MAGED1: variants seen among roughly 807,000 people sequenced by gnomAD.
The protein encoded by MAGED1 is melanoma-associated antigen D1.
Under a neutral mutation model 54.1 loss-of-function variants are expected in MAGED1, and 3 were observed. The observed-to-expected ratio is 0.06, with a 90% CI of 0.03 to 0.14. The LOEUF is 0.14. MAGED1 is among the 10% of genes least tolerant of loss of function. The probability of loss-of-function intolerance (pLI) is 1.00; values close to 1 mark genes in which losing one functional copy is unlikely to be tolerated. For missense variants in MAGED1, 485 were observed against 623.4 expected (o/e 0.78, Z 2.36); for synonymous variants, 217 against 227.3 (o/e 0.95, Z 0.41).
intron 1 of MAGED1, among the ~76,000 whole-genome samples, chrX:51,843,416 A>G (rs1557358929): frequency 9.0e-6 from 1 of 111,426 alleles, no homozygotes; most frequent in African/African-American, 3.3e-5. Flanking sequence ...TAGAGTGAAG[A>G]TGTAAGACTG....
At chrX:51,871,662 C>T (rs1927680134) in intron 1 of MAGED1, among the ~76,000 whole-genome samples, 1 of 111,686 alleles carries the variant, frequency 9.0e-6, no homozygotes, top group South Asian at 3.8e-4. Context: ...TGTCTTAATC[C>T]AGTCTATCAT....
At chrX:51,888,293 T>G (rs782654994) in intron 1 of MAGED1, among the ~76,000 whole-genome samples, 1 of 111,720 alleles carries the variant, frequency 9.0e-6, no homozygotes, top group Admixed American at 9.5e-5. Context: ...CCCACAAAAT[T>G]TTTTTAATTA....
At chrX:51,875,391 G>T (rs1927832419) in intron 1 of MAGED1, among the ~76,000 whole-genome samples, 1 of 111,329 alleles carries the variant, frequency 9.0e-6, no homozygotes, top group Non-Finnish European at 1.9e-5. Context: ...CCTGGATTCT[G>T]ACTACATTCT....
intron 1 of MAGED1, among the ~76,000 whole-genome samples, chrX:51,837,266 TA>T (rs1926287542): frequency 8.9e-6 from 1 of 112,290 alleles, no homozygotes. Flanking sequence ...GCTGAGAGTT[TA>T]AAAAGTGTTA....
At chrX:51,836,198 GAT>G (rs1926239912) in intron 1 of MAGED1, among the ~76,000 whole-genome samples, 1 of 90,166 alleles carries the variant, frequency 1.1e-5, no homozygotes, top group Non-Finnish European at 2.4e-5. Flanking sequence ...TCAATTTATT[GAT>G]TTTTTTTTTT....
upstream of MAGED1, among the ~76,000 whole-genome samples, chrX:51,888,971 C>T (rs910769950): frequency 1.1e-4 from 12 of 111,095 alleles, no homozygotes; most frequent in Admixed American, 5.7e-4. Context: ...GGGATGGGGG[C>T]GGTGGAGGAG....
intron 1 of MAGED1, among the ~76,000 whole-genome samples, chrX:51,829,539 A>G (rs1429212258): frequency 1.3e-4 from 14 of 111,160 alleles, no homozygotes; most frequent in Admixed American, 1.3e-3. Flanking sequence ...TTTTAAAAAA[A>G]AAAATTAGGG....
At chrX:51,834,307 C>T (rs1264242042) in intron 1 of MAGED1, among the ~76,000 whole-genome samples, 1 of 111,713 alleles carries the variant, frequency 9.0e-6, no homozygotes, top group Non-Finnish European at 1.9e-5. Context: ...TGAGAATCCT[C>T]ATTCCAGCCC....
chrX:51,847,166 C>T (rs138223518), intron 1 of MAGED1, among the ~76,000 whole-genome samples: 1,299 of 111,667 alleles, frequency 0.012, 22 homozygotes, highest in African/African-American at 0.039. Context: ...ATTTCAATGT[C>T]TTGTTAAAAA....
intron 1 of MAGED1, among the ~76,000 whole-genome samples, chrX:51,841,024 T>G (rs1272646524): frequency 1.8e-4 from 20 of 109,518 alleles, no homozygotes; most frequent in Admixed American, 7.8e-4. Context: ...ACTTCCACAA[T>G]GGTTGAACTA....
intron 1 of MAGED1, among the ~76,000 whole-genome samples, chrX:51,867,225 A>G (rs782154055): frequency 4.5e-5 from 5 of 112,141 alleles, no homozygotes; most frequent in African/African-American, 1.3e-4. Flanking sequence ...TTGATGCATG[A>G]TATGTTTTCT....
At position 51,898,574 on chromosome X, in the gene MAGED1, C is replaced by T. The variant is rs1557364602; in HGVS notation, c.1782-7C>T. 1.7e-6 allele frequency: 2 copies of T among 1,199,994 alleles called. No homozygotes were observed. The highest frequency in any genetic ancestry group is 1.8e-5 in the African/African-American group (1 of 56,638). On this transcript the variant is annotated splice_polypyrimidine_tract_variant and splice_region_variant and intron_variant, in intron 9 of 12. Transcript: ENST00000326587. ...TCTGATTGTGGGTTTCCTTTTTTTACCTTCAGGGTGAGACATCCCCTCCTT... is the reference window on the plus strand; with the variant it reads ...TCTGATTGTGGGTTTCCTTTTTTTATCTTCAGGGTGAGACATCCCCTCCTT...
rs1471566851 is a variant in MAGED1, at chrX:51,811,341, A to G, written c.-37+8224A>G. Among the ~76,000 whole-genome samples the G allele has an allele frequency of 2.7e-5, 3 of 111,887 alleles. No individual in the cohort carries two copies. In the East Asian group the frequency reaches 8.4e-4, roughly 31 times the overall value. ...AAACATGTCATCTCTCTTTATTACC[A>G]ATTGGACATTATACTATACCTGTTA... On this transcript the variant is annotated intron_variant, in intron 1 of 12. Coordinates refer to the MAGED1 transcript ENST00000375772.
chrX:51,849,836 T>A (rs375736360), intron 1 of MAGED1, among the ~76,000 whole-genome samples: 13 of 112,005 alleles, frequency 1.2e-4, no homozygotes, highest in African/African-American at 3.9e-4. Flanking sequence ...GTGTTTTTGG[T>A]TTATTTATGT....
intron 1 of MAGED1, among the ~76,000 whole-genome samples, chrX:51,840,277 A>C (rs1557358332): frequency 9.0e-6 from 1 of 111,211 alleles, no homozygotes; most frequent in Middle Eastern, 4.2e-3. Flanking sequence ...TAAGTGAATA[A>C]ATATTTAAAT....
intron 1 of MAGED1, among the ~76,000 whole-genome samples, chrX:51,810,747 G>T (rs1454310223): frequency 1.8e-5 from 2 of 111,593 alleles, no homozygotes; most frequent in African/African-American, 6.5e-5. Flanking sequence ...GCTTGATACT[G>T]GTGAGTAAAT....
intron 1 of MAGED1, among the ~76,000 whole-genome samples, chrX:51,816,488 A>G (rs1428551072): frequency 8.9e-6 from 1 of 111,760 alleles, no homozygotes; most frequent in Non-Finnish European, 1.9e-5. Flanking sequence ...CACAGATACA[A>G]AAATACACAG....
intron 1 of MAGED1, among the ~76,000 whole-genome samples, chrX:51,864,189 A>AGAGTGTGT (rs1479838638): frequency 1.0e-5 from 1 of 100,429 alleles, no homozygotes; most frequent in African/African-American, 3.6e-5. Flanking sequence ...AGAGAGAGAG[A>AGAGTGTGT]GTGTGTGTGT....
intron 1 of MAGED1, among the ~76,000 whole-genome samples, chrX:51,886,112 C>T (rs1002215519): frequency 1.3e-5 from 1 of 74,375 alleles, no homozygotes; most frequent in Non-Finnish European, 2.4e-5. Flanking sequence ...GTGATGATTA[C>T]CAGAGGCTGA....
Sources: gnomAD v4.1 joint callset for allele counts (sites outside exome capture counted in the v4.1 genomes callset) on GRCh38, gnomAD v4.1.1 for gene constraint, MANE v1.5 for transcripts, NCBI Gene and HGNC (gene_info 2026-07-23, HGNC 2026-07-21) for gene names.